Variants in PARVB observed in about 807,000 individuals in gnomAD.
PARVB encodes the protein parvin beta, also known as beta-parvin.
In PARVB, 46 loss-of-function variants were observed where a neutral mutation model predicts 47.0. The ratio of observed to expected loss-of-function variants is 0.98; its 90% CI spans 0.77 to 1.25. The LOEUF (loss-of-function observed/expected upper bound fraction) is 1.25. Ranked by LOEUF, PARVB falls within the 50% of genes most tolerant of loss-of-function variation. The pLI is 0.00. For missense variants in PARVB, 473 were observed against 471.6 expected (o/e 1.00, Z -0.03); for synonymous variants, 196 against 196.3 (o/e 1.00, Z 0.01).
chr22:44,131,895 G>A (rs1400611409), intron 5 of PARVB, among the ~76,000 whole-genome samples: 1 of 152,154 alleles, frequency 6.6e-6, no homozygotes, highest in Non-Finnish European at 1.5e-5. Context: ...GTTTATGGAT[G>A]GGTGGATCAG....
chr22:44,032,596 A>C (rs191573207), intron 1 of PARVB, among the ~76,000 whole-genome samples: 115 of 152,154 alleles, frequency 7.6e-4, no homozygotes, highest in Admixed American at 2.4e-3. Flanking sequence ...TCCCTTGTGG[A>C]GCAAAGCAGC....
chr22:44,137,737 T>A (rs1429491290), intron 7 of PARVB, among the ~76,000 whole-genome samples: 12 of 152,088 alleles, frequency 7.9e-5, no homozygotes, highest in Admixed American at 7.9e-4. Context: ...TCTTTCCTCC[T>A]CACAGTGCTG....
chr22:44,128,973 G>A (rs2053251223), intron 4 of PARVB, among the ~76,000 whole-genome samples: 1 of 152,236 alleles, frequency 6.6e-6, no homozygotes, highest in South Asian at 2.1e-4. Flanking sequence ...AGCTACTCGG[G>A]AGGCTGAGGC....
At chr22:44,087,300 C>A (rs2052046734) in intron 1 of PARVB, among the ~76,000 whole-genome samples, 1 of 152,284 alleles carries the variant, frequency 6.6e-6, no homozygotes, top group Non-Finnish European at 1.5e-5. Context: ...CCGTAGGTGG[C>A]AAAGCATCTC....
chr22:44,022,338 C>G (rs1036617058), upstream of PARVB, among the ~76,000 whole-genome samples: 3 of 152,108 alleles, frequency 2.0e-5, no homozygotes, highest in African/African-American at 7.2e-5. Flanking sequence ...GATCCTTGTT[C>G]CAGGTCAAAT....
intron 1 of PARVB, among the ~76,000 whole-genome samples, chr22:44,055,741 A>G (rs2051298422): frequency 6.6e-6 from 1 of 152,108 alleles, no homozygotes; most frequent in African/African-American, 2.4e-5. Context: ...TACGAGACTG[A>G]GAAATCCCAG....
intron 11 of PARVB, among the ~76,000 whole-genome samples, chr22:44,163,504 TAATA>T (rs951507295): frequency 1.1e-4 from 16 of 151,722 alleles, no homozygotes; most frequent in Non-Finnish European, 1.6e-4. Flanking sequence ...AACAAAGAAA[TAATA>T]AATAAAATGG....
intron 3 of PARVB, chr22:44,104,327 G>A (rs1424051015): frequency 6.6e-6 from 1 of 152,230 alleles, no homozygotes; most frequent in Admixed American, 6.5e-5. Flanking sequence ...TCCAAAATAA[G>A]CATAGACACA....
At chr22:44,056,651 G>A (rs545768531) in intron 1 of PARVB, among the ~76,000 whole-genome samples, 98 of 151,974 alleles carry the variant, frequency 6.4e-4, no homozygotes, top group Middle Eastern at 3.4e-3. Flanking sequence ...GACGACAGGC[G>A]TGCACAGCCA....
chr22:44,121,113 T>A (rs2053037239), intron 4 of PARVB, among the ~76,000 whole-genome samples: 1 of 152,164 alleles, frequency 6.6e-6, no homozygotes, highest in Admixed American at 6.5e-5. Context: ...AGTGCTGGGA[T>A]TACAGGTGTG....
At chr22:44,167,595 C>T (rs1465929016) in intron 12 of PARVB, among the ~76,000 whole-genome samples, 2 of 152,168 alleles carry the variant, frequency 1.3e-5, no homozygotes, top group Non-Finnish European at 2.9e-5. Context: ...CCTCCAACTC[C>T]ATGGCCGCCA....
intron 12 of PARVB, among the ~76,000 whole-genome samples, chr22:44,167,479 GTC>G (rs2054193324): frequency 6.6e-6 from 1 of 152,108 alleles, no homozygotes; most frequent in African/African-American, 2.4e-5. Flanking sequence ...TGCTGCTCTG[GTC>G]TCCCTGTGAG....
At chr22:44,160,748 A>G (rs553775969) in intron 11 of PARVB, among the ~76,000 whole-genome samples, 88 of 152,222 alleles carry the variant, frequency 5.8e-4, no homozygotes, top group Non-Finnish European at 1.1e-3. Context: ...CTTCAAAACC[A>G]CTTACTGTGG....
intron 4 of PARVB, chr22:44,119,816 G>T (rs1196119752): frequency 1.9e-6 from 1 of 532,824 alleles, no homozygotes; most frequent in Non-Finnish European, 3.8e-6. Context: ...TGTGATGAGG[G>T]CCTTCGGAGA....
upstream of PARVB, among the ~76,000 whole-genome samples, chr22:44,021,473 C>G (rs1009781490): frequency 1.3e-5 from 2 of 152,122 alleles, no homozygotes; most frequent in Admixed American, 1.3e-4. Flanking sequence ...TCCAAAGATC[C>G]AACATGATAA....
intron 1 of PARVB, among the ~76,000 whole-genome samples, chr22:44,078,260 G>C (rs1329147405): frequency 6.6e-6 from 1 of 152,176 alleles, no homozygotes; most frequent in Admixed American, 6.5e-5. Flanking sequence ...TGTTTTTACT[G>C]ATGTTGGAAT....
chr22:44,018,342 C>T (rs891928881), intron 2 of PARVB, among the ~76,000 whole-genome samples: 6 of 152,176 alleles, frequency 3.9e-5, no homozygotes, highest in African/African-American at 1.2e-4. Flanking sequence ...GCGGAGGTTG[C>T]AGTGAGCTGA....
At chr22:44,020,680 C>G (rs1381016062), upstream of PARVB, among the ~76,000 whole-genome samples, 1 of 152,130 alleles carries the variant, frequency 6.6e-6, no homozygotes, top group Non-Finnish European at 1.5e-5. Flanking sequence ...ACTGGTAGGG[C>G]AAGGATGGAG....
At chr22:44,034,567 G>T (rs1364778864) in intron 1 of PARVB, among the ~76,000 whole-genome samples, 1 of 151,942 alleles carries the variant, frequency 6.6e-6, no homozygotes, top group African/African-American at 2.4e-5. Flanking sequence ...CTCTTGAGAA[G>T]CATCTGGCCC....
Sources: gnomAD v4.1 joint callset for allele counts (sites outside exome capture counted in the v4.1 genomes callset) on GRCh38, gnomAD v4.1.1 for gene constraint, MANE v1.5 for transcripts, NCBI Gene and HGNC (gene_info 2026-07-23, HGNC 2026-07-21) for gene names.